The following CIST1 variants were observed in gnomAD, a reference collection of about 807,000 sequenced individuals.
CIST1 encodes the protein colon, intestine and stomach enriched 1, also known as uncharacterized LOC729966.
chr19:18,255,353 C>T, the CIST1 span: 2 of 398,838 alleles, frequency 5.0e-6, no homozygotes, highest in Non-Finnish European at 8.8e-6. The surrounding 1 kb of genome is among the most constrained non-coding windows in gnomAD (Gnocchi z 4.6). Context: ...AGGTGTGTGG[C>T]CAGGTGTGTG....
chr19:18,252,256 T>G, the CIST1 span: 1 of 399,098 alleles, frequency 2.5e-6, no homozygotes, highest in East Asian at 3.6e-5. Context: ...GAGGAGGGTA[T>G]CATCCTTGAA....
the CIST1 span, chr19:18,255,240 T>C: frequency 5.0e-6 from 2 of 398,886 alleles, no homozygotes; most frequent in East Asian, 7.1e-5. The surrounding 1 kb of genome is among the most constrained non-coding windows in gnomAD (Gnocchi z 4.6). Context: ...AGTATTGTAA[T>C]TCACACCAGC....
At chr19:18,250,537 G>A in the CIST1 span, 2 of 376,622 alleles carry the variant, frequency 5.3e-6, no homozygotes, top group African/African-American at 5.6e-5. Flanking sequence ...CACCCACCAG[G>A]GCCCAGAGCC....
the CIST1 span, chr19:18,250,288 G>A: frequency 5.0e-6 from 2 of 398,968 alleles, no homozygotes; most frequent in Non-Finnish European, 8.8e-6. Flanking sequence ...CCAGGGCTGA[G>A]CCCCCAGCCC....
the CIST1 span, among the ~76,000 whole-genome samples, chr19:18,252,848 C>A: frequency 6.6e-6 from 1 of 152,190 alleles, no homozygotes; most frequent in Non-Finnish European, 1.5e-5. Context: ...CTCAGATGAT[C>A]CACCTGCCTT....
the CIST1 span, chr19:18,252,616 CTTTT>C: frequency 6.7e-6 from 2 of 300,362 alleles, no homozygotes; most frequent in Non-Finnish European, 1.2e-5. Flanking sequence ...TTCTCTCTCT[CTTTT>C]TTTTTTTCTT....
the CIST1 span, chr19:18,250,438 C>T: frequency 2.5e-5 from 10 of 399,002 alleles, 1 homozygote; most frequent in Admixed American, 4.4e-4. Flanking sequence ...CACTCGGGTT[C>T]CTGTGTAACT....
chr19:18,253,784 T>C, the CIST1 span, among the ~76,000 whole-genome samples: 17 of 152,056 alleles, frequency 1.1e-4, no homozygotes, highest in Admixed American at 1.1e-3. Flanking sequence ...TCACATCCCA[T>C]CCCAGGCATG....
At chr19:18,251,926 T>C in the CIST1 span, 4 of 396,688 alleles carry the variant, frequency 1.0e-5, no homozygotes, top group Non-Finnish European at 1.8e-5. Flanking sequence ...CATGAAGAGC[T>C]TTAGACAATG....
At chr19:18,254,660 T>G in the CIST1 span, among the ~76,000 whole-genome samples, 1 of 152,092 alleles carries the variant, frequency 6.6e-6, no homozygotes, top group East Asian at 1.9e-4. Context: ...CTATTACAGG[T>G]CTGTGGGGTA....
At chr19:18,252,536 G>A in the CIST1 span, 1 of 398,574 alleles carries the variant, frequency 2.5e-6, no homozygotes, top group Non-Finnish European at 4.4e-6. Flanking sequence ...AGGTCAAGGT[G>A]AGAGCATCAC....
chr19:18,254,182 G>A, the CIST1 span, among the ~76,000 whole-genome samples: 6 of 152,214 alleles, frequency 3.9e-5, no homozygotes, highest in African/African-American at 1.4e-4. Context: ...TCTGGCCTGA[G>A]GTGACTGGGG....
At chr19:18,251,676 A>ACCCCCCCCCCC in the CIST1 span, among the ~76,000 whole-genome samples, 29 of 23,590 alleles carry the variant, frequency 1.2e-3, no homozygotes, top group African/African-American at 3.1e-3. Context: ...CTCGTGATAC[A>ACCCCCCCCCCC]CGCCCCCCCC....
At chr19:18,252,763 G>A in the CIST1 span, among the ~76,000 whole-genome samples, 1 of 151,976 alleles carries the variant, frequency 6.6e-6, no homozygotes, top group African/African-American at 2.4e-5. Flanking sequence ...GATTACAGGC[G>A]TGCATTACCA....
At chr19:18,253,983 G>A in the CIST1 span, among the ~76,000 whole-genome samples, 1 of 152,178 alleles carries the variant, frequency 6.6e-6, no homozygotes, top group Non-Finnish European at 1.5e-5. Context: ...CTAGGCAGCA[G>A]AAATGCGGAA....
the CIST1 span, among the ~76,000 whole-genome samples, chr19:18,254,993 A>G: frequency 0.069 from 10,584 of 152,290 alleles, 1,262 homozygotes; most frequent in African/African-American, 0.24. Flanking sequence ...TTCAGGGCTC[A>G]CTGGAGTTGC....
At chr19:18,250,119 C>T in the CIST1 span, 1 of 398,644 alleles carries the variant, frequency 2.5e-6, no homozygotes. Context: ...TCTCTGTTGG[C>T]TCCTCAGGGC....
the CIST1 span, chr19:18,255,236 G>A: frequency 1.8e-5 from 7 of 398,530 alleles, no homozygotes; most frequent in Admixed American, 1.8e-4. This position sits in a 1 kb window ranked among gnomAD's most constrained non-coding sequence, Gnocchi z 4.6. Context: ...AGGGAGTATT[G>A]TAATTCACAC....
the CIST1 span, chr19:18,252,296 A>G: frequency 2.5e-6 from 1 of 399,078 alleles, no homozygotes; most frequent in Non-Finnish European, 4.4e-6. Context: ...GCTGGATGGT[A>G]GGGGTTGCCC....
Sources: gnomAD v4.1 joint callset for allele counts (sites outside exome capture counted in the v4.1 genomes callset) on GRCh38, gnomAD v4.1.1 for gene constraint, Gnocchi (gnomAD v3.1) non-coding constraint, MANE v1.5 for transcripts, NCBI Gene and HGNC (gene_info 2026-07-23, HGNC 2026-07-21) for gene names.